The following IL1RAPL2 variants were observed in gnomAD, a reference collection of about 807,000 sequenced individuals.
IL1RAPL2 encodes X-linked interleukin-1 receptor accessory protein-like 2.
IL1RAPL2 carries 3 observed loss-of-function variants against 44.1 expected under a neutral mutation model. The observed-to-expected ratio is 0.07, with a 90% CI of 0.03 to 0.18. The LOEUF (loss-of-function observed/expected upper bound fraction) is 0.18, where lower values mean the gene tolerates loss of function less well. Among genes scored for constraint, IL1RAPL2 ranks in the 10% least tolerant of loss-of-function variants. IL1RAPL2 has a pLI of 1.00. For synonymous variants in IL1RAPL2, 181 were observed against 178.8 expected (o/e 1.01, Z -0.10); for missense variants, 391 against 496.4 (o/e 0.79, Z 2.02).
At chrX:104,598,374 A>C (rs1159137541) in intron 1 of IL1RAPL2, among the ~76,000 whole-genome samples, 4 of 112,075 alleles carry the variant, frequency 3.6e-5, no homozygotes, top group African/African-American at 1.3e-4. Flanking sequence ...TACTCTCAGC[A>C]ACTGGTGTGA....
At chrX:104,712,700 T>C (rs1931483450) in intron 2 of IL1RAPL2, among the ~76,000 whole-genome samples, 1 of 110,677 alleles carries the variant, frequency 9.0e-6, no homozygotes, top group Non-Finnish European at 1.9e-5. Flanking sequence ...CTTGCATCAC[T>C]AAGAGCAGTA....
chrX:104,802,369 TAAAA>T (rs1159152106), intron 2 of IL1RAPL2, among the ~76,000 whole-genome samples: 22 of 93,675 alleles, frequency 2.3e-4, no homozygotes, highest in East Asian at 6.8e-4. Flanking sequence ...ACAAAACAAA[TAAAA>T]AAAAAAGAAG....
intron 5 of IL1RAPL2, among the ~76,000 whole-genome samples, chrX:105,447,652 T>C: frequency 1.3e-5 from 1 of 76,203 alleles, no homozygotes; most frequent in African/African-American, 6.0e-5. Context: ...TAAATATAAA[T>C]ATAAATAAAT....
chrX:104,785,779 A>G (rs1264988956), intron 2 of IL1RAPL2, among the ~76,000 whole-genome samples: 2 of 112,445 alleles, frequency 1.8e-5, no homozygotes, highest in Admixed American at 1.9e-4. Flanking sequence ...ACTGTGGCAA[A>G]GCAAACTATT....
chrX:105,219,639 A>G, intron 3 of IL1RAPL2: 1 of 1,210,268 alleles, frequency 8.3e-7, no homozygotes, highest in Non-Finnish European at 1.1e-6. Flanking sequence ...CAGCAGCACC[A>G]GCAGCAGCCA....
At chrX:104,710,632 T>C (rs938086003) in intron 2 of IL1RAPL2, among the ~76,000 whole-genome samples, 1 of 111,531 alleles carries the variant, frequency 9.0e-6, no homozygotes, top group African/African-American at 3.2e-5. Flanking sequence ...GAATTTCACT[T>C]CAATACATTT....
intron 5 of IL1RAPL2, among the ~76,000 whole-genome samples, chrX:105,298,217 A>G (rs1056340346): frequency 8.9e-6 from 1 of 111,834 alleles, no homozygotes; most frequent in Admixed American, 9.6e-5. Context: ...GCTGTACGAT[A>G]GATCTCTGGA....
intron 2 of IL1RAPL2, among the ~76,000 whole-genome samples, chrX:104,992,649 C>A (rs1350652813): frequency 1.8e-5 from 2 of 110,784 alleles, no homozygotes; most frequent in South Asian, 3.8e-4. Flanking sequence ...TTTCTCATCA[C>A]CAGCAATGTT....
At chrX:105,749,580 A>G (rs2038579387) in intron 9 of IL1RAPL2, among the ~76,000 whole-genome samples, 1 of 111,990 alleles carries the variant, frequency 8.9e-6, no homozygotes, top group Non-Finnish European at 1.9e-5. Flanking sequence ...TATGGAGACA[A>G]TCCTTTTAAA....
At chrX:105,741,040 A>G (rs1288690144) in intron 8 of IL1RAPL2, among the ~76,000 whole-genome samples, 1 of 111,385 alleles carries the variant, frequency 9.0e-6, no homozygotes, top group Non-Finnish European at 1.9e-5. Flanking sequence ...GAAATGCAAG[A>G]GATTTTATTA....
chrX:105,649,175 A>G (rs2037626360), intron 6 of IL1RAPL2, among the ~76,000 whole-genome samples: 1 of 111,267 alleles, frequency 9.0e-6, no homozygotes, highest in African/African-American at 3.3e-5. Context: ...GATTTCGACA[A>G]TAAATTTCCA....
chrX:105,704,877 G>C (rs367562578), intron 6 of IL1RAPL2, among the ~76,000 whole-genome samples: 1 of 110,196 alleles, frequency 9.1e-6, no homozygotes, highest in African/African-American at 3.3e-5. Flanking sequence ...CATTTTTCCC[G>C]TTGAGCTGTT....
intron 6 of IL1RAPL2, among the ~76,000 whole-genome samples, chrX:105,620,166 G>C (rs1204253894): frequency 9.0e-6 from 1 of 111,265 alleles, no homozygotes; most frequent in African/African-American, 3.3e-5. Context: ...AGGGATTTTT[G>C]GTTGTGCTAT....
At chrX:105,711,063 T>C (rs2038206069) in intron 6 of IL1RAPL2, among the ~76,000 whole-genome samples, 1 of 109,094 alleles carries the variant, frequency 9.2e-6, no homozygotes, top group African/African-American at 3.3e-5. Flanking sequence ...AGAGAATATA[T>C]GTTTCTCTCC....
At chrX:104,796,394 A>G (rs1932849656) in intron 2 of IL1RAPL2, among the ~76,000 whole-genome samples, 1 of 111,976 alleles carries the variant, frequency 8.9e-6, no homozygotes, top group Admixed American at 9.4e-5. Flanking sequence ...ATGAGACGCT[A>G]TGAGGAAAAA....
chrX:105,748,877 T>C, intron 8 of IL1RAPL2, 83 bp from the exon 9 acceptor site: 1 of 952,784 alleles, frequency 1.0e-6, no homozygotes, highest in East Asian at 3.1e-5. Flanking sequence ...AGAATGTTAG[T>C]ACATCTTATA....
intron 4 of IL1RAPL2, among the ~76,000 whole-genome samples, chrX:105,256,886 TA>T (rs1223646965): frequency 9.0e-6 from 1 of 111,649 alleles, no homozygotes; most frequent in Non-Finnish European, 1.9e-5. Flanking sequence ...GTGGGCTATC[TA>T]TCTTATTAAT....
chrX:105,539,053 G>T (rs1447989059), intron 6 of IL1RAPL2, among the ~76,000 whole-genome samples: 5 of 110,537 alleles, frequency 4.5e-5, no homozygotes, highest in Non-Finnish European at 7.6e-5. Context: ...ACAAACAAAT[G>T]GAAAAATATT....
intron 2 of IL1RAPL2, among the ~76,000 whole-genome samples, chrX:104,743,021 C>A (rs185642781): frequency 9.0e-6 from 1 of 111,618 alleles, no homozygotes; most frequent in Non-Finnish European, 1.9e-5. Flanking sequence ...TGTTATTCTG[C>A]TTATATGTTT....
Sources: gnomAD v4.1 joint callset for allele counts (sites outside exome capture counted in the v4.1 genomes callset) on GRCh38, gnomAD v4.1.1 for gene constraint, MANE v1.5 for transcripts, NCBI Gene and HGNC (gene_info 2026-07-23, HGNC 2026-07-21) for gene names.